Variants in DDX42 observed in about 807,000 individuals in gnomAD.
DDX42 encodes DEAD-box helicase 42.
A neutral mutation model predicts 101.5 loss-of-function variants in DDX42; 22 were observed. The observed-to-expected ratio is 0.22, with a 90% confidence interval of 0.15 to 0.31. The LOEUF (loss-of-function observed/expected upper bound fraction) is 0.31. DDX42 is among the 10% of genes least tolerant of loss of function. The pLI is 1.00. For missense variants in DDX42, 849 were observed against 1,199.9 expected (o/e 0.71, Z 4.32); for synonymous variants, 402 against 401.2 (o/e 1.00, Z -0.02).
At position 63,787,069 on chromosome 17, in the gene DDX42, G is replaced by C. The variant is rs1395591545; in HGVS notation, c.20G>C (p.Gly7Ala). The stretch of plus-strand genomic sequence containing the variant: ...GGCACCATGAACTGGAATAAAGGTG[G>C]TCCTGGCACTAAGCGAGGATTTGGC... MNWNKG[G>A]PGTKRGFGFG... The change falls in exon 2 of 18, where the codon GGT becomes GCT. Residue 7 changes from glycine to alanine, a missense_variant. Around this residue, in one of 5 missense-constraint regions of DDX42, gnomAD observed 92 missense variants for 106.7 expected, o/e 0.86. Transcript: ENST00000389924. 1 of 1,614,024 alleles carries C rather than the reference G, an allele frequency of 6.2e-7. No individual in the cohort carries two copies. The highest frequency in any genetic ancestry group is 8.5e-7 in the Non-Finnish European group (1 of 1,180,024).
chr17:63,780,210 C>CT (rs2039470350), intron 1 of DDX42, among the ~76,000 whole-genome samples: 1 of 151,878 alleles, frequency 6.6e-6, no homozygotes. Flanking sequence ...GCAGGAGAAT[C>CT]ACTTCAACCT....
chr17:63,800,648 G>A (rs1310396026), intron 6 of DDX42, 31 bp downstream of exon 6: 1 of 1,606,556 alleles, frequency 6.2e-7, no homozygotes, highest in Non-Finnish European at 8.5e-7. Flanking sequence ...TTTTACTCTT[G>A]TTTCAAGCTG....
At chr17:63,791,232 C>T (rs1236677302) in intron 2 of DDX42, among the ~76,000 whole-genome samples, 4 of 152,234 alleles carry the variant, frequency 2.6e-5, no homozygotes, top group South Asian at 2.1e-4. Context: ...GAAAGTGATA[C>T]CTTATCCAGC....
In DDX42 at chr17:63,818,340, C is replaced by CT; in HGVS notation, c.2760dup (p.Asp921Ter). On this transcript the variant is annotated frameshift_variant, in exon 18 of 18. Coordinates refer to ENST00000389924, the MANE Select transcript of DDX42 (RefSeq NM_203499.3). LOFTEE classifies it high-confidence loss of function. ...GTGGACAGCAAGACAGATAAGACAG[C>CT]TGACGGCTTTGCTGTCCCAGAGCCG... 6.2e-7 allele frequency: 1 copy of CT among 1,614,084 alleles called. No individual in the cohort carries two copies. The highest frequency in any genetic ancestry group is 8.5e-7 in the Non-Finnish European group (1 of 1,180,040).
At chr17:63,805,284 GA>G in intron 7 of DDX42, 109 bp downstream of exon 7, 1 of 1,358,120 alleles carries the variant, frequency 7.4e-7, no homozygotes, top group Non-Finnish European at 1.0e-6. Flanking sequence ...AATGGTCTCT[GA>G]ACTGTCTTTG....
intron 1 of DDX42, among the ~76,000 whole-genome samples, chr17:63,780,302 CA>C (rs10595007): frequency 5.9e-4 from 85 of 145,002 alleles, no homozygotes; most frequent in Admixed American, 7.6e-4. Context: ...CTCAAAAAAA[CA>C]AAAAAAAAAA....
chr17:63,806,723 A>C, intron 8 of DDX42, 69 bp downstream of exon 8: 1 of 1,496,142 alleles, frequency 6.7e-7, no homozygotes, highest in Non-Finnish European at 9.0e-7. Flanking sequence ...TTTAAAAACA[A>C]ATCACAGCAG....
intron 2 of DDX42, among the ~76,000 whole-genome samples, chr17:63,788,528 A>C (rs1232249478): frequency 1.3e-5 from 2 of 151,340 alleles, no homozygotes; most frequent in African/African-American, 4.9e-5. Context: ...CAATGGTCTC[A>C]ATCTCCTGAC....
chr17:63,801,503 A>G (rs2039769147), intron 6 of DDX42, among the ~76,000 whole-genome samples: 1 of 151,760 alleles, frequency 6.6e-6, no homozygotes, highest in South Asian at 2.1e-4. Flanking sequence ...ACAGGTGCAC[A>G]CCACTGTACC....
At chr17:63,792,852 A>G (rs1368225332) in intron 3 of DDX42, among the ~76,000 whole-genome samples, 1 of 152,156 alleles carries the variant, frequency 6.6e-6, no homozygotes, top group African/African-American at 2.4e-5. Flanking sequence ...CTTAAATGGA[A>G]TTAATATTCA....
intron 11 of DDX42, 73 bp from the exon 12 acceptor site, chr17:63,810,440 C>A: frequency 6.7e-7 from 1 of 1,497,364 alleles, no homozygotes; most frequent in Non-Finnish European, 9.2e-7. Flanking sequence ...AAGACTTTTA[C>A]TAATATGGCT....
At chr17:63,792,869 C>T (rs969937014) in intron 3 of DDX42, among the ~76,000 whole-genome samples, 4 of 152,064 alleles carry the variant, frequency 2.6e-5, no homozygotes, top group Non-Finnish European at 4.4e-5. Flanking sequence ...TTCAATCTAG[C>T]ATTTGTTAAG....
intron 1 of DDX42, among the ~76,000 whole-genome samples, chr17:63,784,432 T>G (rs1261454078): frequency 6.6e-6 from 1 of 152,216 alleles, no homozygotes; most frequent in Non-Finnish European, 1.5e-5. Context: ...TTTATGCCCT[T>G]ATTTTACTCA....
At position 63,792,429 on chromosome 17, in the gene DDX42, A is replaced by C; in HGVS notation, c.239A>C (p.Glu80Ala). 1 of 1,612,476 alleles carries C rather than the reference A, an allele frequency of 6.2e-7. No individual in the cohort carries two copies. The highest frequency in any genetic ancestry group is 8.5e-7 in the Non-Finnish European group (1 of 1,179,364). The change falls in exon 3 of 18, where the codon GAA becomes GCA. Residue 80 changes from glutamate (E) to alanine (A), a missense_variant. Coordinates refer to ENST00000389924, the MANE Select transcript of DDX42 (RefSeq NM_203499.3). ...DEENAYFEDE[E>A]EDSSNVDLPY... is the part of the protein sequence containing the mutation. ...ATTCTCAGCTATTTTGAAGATGAGG[A>C]AGAAGATTCTAGCAACGTTGATTTA...
chr17:63,813,854 T>G (rs1196754991), intron 15 of DDX42, among the ~76,000 whole-genome samples: 1 of 152,080 alleles, frequency 6.6e-6, no homozygotes, highest in Middle Eastern at 3.2e-3. Flanking sequence ...CACCTTTTTT[T>G]TTTGAGACAG....
At chr17:63,778,623 C>G (rs925764378) in intron 1 of DDX42, among the ~76,000 whole-genome samples, 5 of 148,948 alleles carry the variant, frequency 3.4e-5, no homozygotes, top group Middle Eastern at 3.4e-3. Flanking sequence ...TCTAGTAGTG[C>G]TGTGAGAGCT....
chr17:63,800,939 TTTCC>T (rs1009574061), intron 6 of DDX42, among the ~76,000 whole-genome samples: 1 of 50,772 alleles, frequency 2.0e-5, no homozygotes, highest in Non-Finnish European at 3.6e-5. Context: ...CTTTCTTTTC[TTTCC>T]TTCCTTCCTT....
chr17:63,806,320 T>G (rs1013128148), intron 7 of DDX42: 1 of 368,012 alleles, frequency 2.7e-6, no homozygotes, highest in African/African-American at 2.1e-5. Flanking sequence ...TGTATGACAA[T>G]TATCTTGGGA....
chr17:63,786,041 G>A (rs1167617533), intron 1 of DDX42, among the ~76,000 whole-genome samples: 1 of 152,140 alleles, frequency 6.6e-6, no homozygotes, highest in Non-Finnish European at 1.5e-5. Context: ...TTCTTTTTAT[G>A]AGTATTTTTG....
Sources: allele counts gnomAD v4.1 joint callset (sites outside exome capture counted in the v4.1 genomes callset), GRCh38; gene constraint gnomAD v4.1.1; regional missense constraint gnomAD v4.1.1; transcripts MANE v1.5; gene names NCBI Gene and HGNC (gene_info 2026-07-23, HGNC 2026-07-21).